Variants in ZNF664 observed in about 807,000 individuals in gnomAD.
ZNF664 encodes the protein zinc finger Organ of Corti 1.
Under a neutral mutation model 18.2 loss-of-function variants are expected in ZNF664, and 10 were observed. The observed-to-expected ratio is 0.55, with a 90% CI of 0.34 to 0.93. ZNF664 has a LOEUF of 0.93. ZNF664 is among the 40% of genes least tolerant of loss of function. The pLI is 0.02. For missense variants in ZNF664, 193 were observed against 319.0 expected (o/e 0.61, Z 3.01); for synonymous variants, 119 against 104.2 (o/e 1.14, Z -0.86).
chr12:123,980,606 C>T (rs1048734856), intron 2 of ZNF664, among the ~76,000 whole-genome samples: 2 of 151,686 alleles, frequency 1.3e-5, no homozygotes, highest in Admixed American at 6.6e-5. Context: ...CCATTAAAAA[C>T]GTTTATGAAG....
intron 2 of ZNF664, among the ~76,000 whole-genome samples, chr12:123,986,498 G>T (rs1296981474): frequency 1.3e-5 from 2 of 151,982 alleles, no homozygotes; most frequent in African/African-American, 4.8e-5. Context: ...CATGAGTTTG[G>T]TTTGCTGTGA....
intron 2 of ZNF664, among the ~76,000 whole-genome samples, chr12:123,982,719 G>A (rs1328191277): frequency 1.3e-5 from 2 of 152,238 alleles, no homozygotes; most frequent in African/African-American, 2.4e-5. Context: ...GAGTGCAGAC[G>A]AGGACACTCA....
chr12:124,013,431 A>G lies in ZNF664; in HGVS notation c.*501A>G, dbSNP rs1357993276. The G allele has an allele frequency of 5.7e-6, 1 of 175,188 alleles. No homozygotes were observed. 10.9% of individuals were successfully genotyped at this position (175,188 alleles called of 1,614,324 possible). On this transcript the variant is annotated 3_prime_UTR_variant, in exon 5 of 5. Transcript: ENST00000337815. ...TGATTTAGCCCCTACATATCTTTCC[A>G]TATATCCTATTATTTCTGAATATAT...
At chr12:124,008,516 G>C (rs1045957367) in intron 3 of ZNF664, among the ~76,000 whole-genome samples, 1 of 152,200 alleles carries the variant, frequency 6.6e-6, no homozygotes, top group African/African-American at 2.4e-5. Flanking sequence ...TTGATGAGGA[G>C]AATGCACATA....
chr12:123,973,928 T>A lies in ZNF664; in HGVS notation c.-849T>A. On this transcript the variant is annotated 5_prime_UTR_variant, in exon 2 of 5. Coordinates refer to ENST00000337815, the MANE Select transcript of ZNF664 (RefSeq NM_152437.3). ...AGAGGAGGCGAGCATCCCGCTCAGG[T>A]GATGAGGAACCCCTCGCGCACCCAG... The A allele has an allele frequency of 8.1e-7, 1 of 1,231,908 alleles. No homozygotes were observed. Among genetic ancestry groups the A allele is most frequent in the Non-Finnish European group, 1.0e-6 (1 of 988,114 alleles). 76.3% of individuals were successfully genotyped at this position (1,231,908 alleles called of 1,614,324 possible).
chr12:123,982,450 C>A (rs1269759142), intron 2 of ZNF664, among the ~76,000 whole-genome samples: 1 of 152,140 alleles, frequency 6.6e-6, no homozygotes. Context: ...CTGCCCTCCC[C>A]CTAATCTCTT....
intron 3 of ZNF664, 134 bp downstream of exon 3, chr12:123,988,272 C>A: frequency 1.4e-6 from 1 of 731,044 alleles, no homozygotes; most frequent in Non-Finnish European, 1.9e-6. Flanking sequence ...TCTCCGTGCA[C>A]GCTCTTCCTG....
At chr12:124,001,788 C>G (rs1359186933) in intron 3 of ZNF664, among the ~76,000 whole-genome samples, 1 of 152,218 alleles carries the variant, frequency 6.6e-6, no homozygotes. Context: ...AAGGGACTGG[C>G]TATGATTCTG....
chr12:123,975,507 C>G (rs887848758), intron 2 of ZNF664, among the ~76,000 whole-genome samples: 8 of 151,886 alleles, frequency 5.3e-5, no homozygotes, highest in Non-Finnish European at 7.4e-5. Flanking sequence ...TCACTGCAGC[C>G]TGGGACTCCT....
intron 3 of ZNF664, among the ~76,000 whole-genome samples, chr12:123,996,829 G>A (rs1334733873): frequency 1.3e-5 from 2 of 152,328 alleles, no homozygotes; most frequent in South Asian, 2.1e-4. Context: ...GTGATGGACG[G>A]AAGTAGGCTG....
rs1956845560 is a variant in ZNF664, at chr12:123,988,095, C to T, written c.-704C>T. The T allele has an allele frequency of 1.6e-6, 2 of 1,231,480 alleles. No individual in the cohort carries two copies. The highest frequency in any genetic ancestry group is 3.1e-5 in the African/African-American group (2 of 64,402). 76.3% of individuals were successfully genotyped at this position (1,231,480 alleles called of 1,614,324 possible). On this transcript the variant is annotated 5_prime_UTR_variant, in exon 3 of 5. Coordinates refer to ENST00000337815, the MANE Select transcript of ZNF664 (RefSeq NM_152437.3). ...CAGCCACTGTGGGCCCTGCCTCTGC[C>T]TGTTCTTCTGGAATGTCTTGGGGGT...
At chr12:123,987,911 A>G in intron 2 of ZNF664, 132 bp from the exon 3 acceptor site, 1 of 1,185,676 alleles carries the variant, frequency 8.4e-7, no homozygotes, top group Non-Finnish European at 1.1e-6. Flanking sequence ...TATAAATCCC[A>G]GATGTAAATA....
In ZNF664 at chr12:124,013,089, A is replaced by G. The variant is rs983245143; in HGVS notation, c.*159A>G. On this transcript the variant is annotated 3_prime_UTR_variant, in exon 5 of 5. Coordinates refer to ENST00000337815, the MANE Select transcript of ZNF664 (RefSeq NM_152437.3). Reference sequence around the variant, plus strand: ...GAGATTGATTTGTTGGTTCATGCCAAGTGTGTTCCACAGGTTGACTTTGAA... The same window carrying G: ...GAGATTGATTTGTTGGTTCATGCCAGGTGTGTTCCACAGGTTGACTTTGAA... 2.9e-6 allele frequency: 3 copies of G among 1,029,606 alleles called. No individual in the cohort carries two copies. The highest frequency in any genetic ancestry group is 4.2e-6 in the Non-Finnish European group (3 of 719,366). The allele number at this position is 1,029,606 out of a possible 1,614,324, so 63.8% of individuals were successfully genotyped here.
chr12:123,980,389 C>CT (rs1319086619), intron 2 of ZNF664, among the ~76,000 whole-genome samples: 1 of 152,118 alleles, frequency 6.6e-6, no homozygotes, highest in African/African-American at 2.4e-5. Context: ...ATGACACACT[C>CT]TTATGTTACA....
At chr12:124,011,509 A>G in intron 4 of ZNF664, 37 bp from the exon 5 acceptor site, 1 of 799,508 alleles carries the variant, frequency 1.3e-6, no homozygotes, top group Non-Finnish European at 1.5e-6. Flanking sequence ...TCCAGATAAA[A>G]GCATTTTCAA....
rs752411278 is a variant in ZNF664 at position 124,012,155 on chromosome 12, A to G, written c.11A>G (p.Lys4Arg). ...TACCAAATAGGAAAAATGATCTACA[A>G]GTGCCCCATGTGTAGGGAATTTTTC... is the stretch of plus-strand genomic sequence containing the variant. MIYKCPMCREFFSE... is the reference protein window; with the variant it reads MIYRCPMCREFFSE... Residue 4 changes from lysine to arginine, a missense_variant, in exon 5 of 5, where the codon AAG (lysine) becomes AGG (arginine). Physicochemically the swap from Lys to Arg is conservative, Grantham distance 26 (BLOSUM62 2). Transcript: ENST00000337815. The G allele has an allele frequency of 2.5e-6, 4 of 1,608,196 alleles. No individual in the cohort carries two copies. Among genetic ancestry groups the G allele is most frequent in the South Asian group, 1.1e-5 (1 of 89,526 alleles).
At chr12:123,986,537 A>T (rs1490921104) in intron 2 of ZNF664, among the ~76,000 whole-genome samples, 1 of 152,114 alleles carries the variant, frequency 6.6e-6, no homozygotes, top group Non-Finnish European at 1.5e-5. Flanking sequence ...CATTTTGCGG[A>T]TCATAACCTC....
At chr12:123,994,562 T>C (rs1374934886) in intron 3 of ZNF664, among the ~76,000 whole-genome samples, 1 of 152,224 alleles carries the variant, frequency 6.6e-6, no homozygotes, top group African/African-American at 2.4e-5. Context: ...TTCAGTCTCT[T>C]GCAATATGTT....
intron 2 of ZNF664, among the ~76,000 whole-genome samples, chr12:123,977,684 C>A (rs182677039): frequency 6.6e-6 from 1 of 151,984 alleles, no homozygotes; most frequent in Non-Finnish European, 1.5e-5. Flanking sequence ...TTGGGGTGAA[C>A]GTGGTAGAAT....
Sources: gnomAD v4.1 joint callset for allele counts (sites outside exome capture counted in the v4.1 genomes callset) on GRCh38, gnomAD v4.1.1 for gene constraint, MANE v1.5 for transcripts, NCBI Gene and HGNC (gene_info 2026-07-23, HGNC 2026-07-21) for gene names.